Variants in CUX1 observed in about 807,000 individuals in gnomAD.
CUX1 encodes protein CASP.
Under a neutral mutation model 158.8 loss-of-function variants are expected in CUX1, and 31 were observed. That is an observed-to-expected ratio of 0.20 (90% CI 0.15 to 0.26). The LOEUF (loss-of-function observed/expected upper bound fraction) is 0.26. Among genes scored for constraint, CUX1 ranks in the 10% least tolerant of loss-of-function variants. The probability of loss-of-function intolerance (pLI) is 1.00; values close to 1 mark genes in which losing one functional copy is unlikely to be tolerated. For missense variants in CUX1, 1,589 were observed against 2,014.6 expected (o/e 0.79, Z 4.04); for synonymous variants, 879 against 862.1 (o/e 1.02, Z -0.34).
intron 2 of CUX1, among the ~76,000 whole-genome samples, chr7:101,989,096 T>C (rs1814743455): frequency 1.3e-5 from 2 of 152,060 alleles, no homozygotes; most frequent in African/African-American, 4.8e-5. Context: ...CTGCTCCTCC[T>C]CCAAGGCTCG....
chr7:102,170,685 G>A, intron 10 of CUX1, 135 bp downstream of exon 10: 1 of 621,370 alleles, frequency 1.6e-6, no homozygotes, highest in Non-Finnish European at 2.7e-6. Flanking sequence ...TTCTCGGTGG[G>A]GTTTGCTTTG....
upstream of CUX1, among the ~76,000 whole-genome samples, chr7:101,816,405 GCGC>G (rs970722250): frequency 7.0e-6 from 1 of 141,992 alleles, no homozygotes; most frequent in Non-Finnish European, 1.6e-5. Context: ...CCCGGGCCCC[GCGC>G]CGCCGCCGCC....
intron 8 of CUX1, among the ~76,000 whole-genome samples, chr7:102,148,595 T>TA (rs1179836995): frequency 1.3e-5 from 2 of 151,180 alleles, no homozygotes; most frequent in Non-Finnish European, 2.9e-5. Context: ...TCTTTTATTT[T>TA]AAAAATCTTA....
At chr7:102,233,102 A>G (rs1420226127) in intron 21 of CUX1, among the ~76,000 whole-genome samples, 3 of 151,420 alleles carry the variant, frequency 2.0e-5, no homozygotes, top group Non-Finnish European at 4.4e-5. Flanking sequence ...GCTCTGGCTT[A>G]GAGATTTCAC....
At chr7:102,032,027 G>A (rs980609150) in intron 3 of CUX1, among the ~76,000 whole-genome samples, 4 of 151,722 alleles carry the variant, frequency 2.6e-5, no homozygotes, top group Admixed American at 2.6e-4. Context: ...CCTGGCTCAA[G>A]CGATTTGCCC....
intron 4 of CUX1, among the ~76,000 whole-genome samples, chr7:102,080,328 A>G (rs1477615160): frequency 6.6e-6 from 1 of 152,104 alleles, no homozygotes; most frequent in Non-Finnish European, 1.5e-5. Flanking sequence ...ACAGCTTTTC[A>G]TCAGTCGCTC....
intron 2 of CUX1, among the ~76,000 whole-genome samples, chr7:102,027,377 A>G (rs1010231004): frequency 2.0e-5 from 3 of 152,154 alleles, no homozygotes; most frequent in Non-Finnish European, 4.4e-5. Context: ...CATCTCAAAA[A>G]AAAAGAAGAG....
At chr7:102,100,006 G>A (rs1829614917) in intron 5 of CUX1, among the ~76,000 whole-genome samples, 1 of 152,142 alleles carries the variant, frequency 6.6e-6, no homozygotes, top group Non-Finnish European at 1.5e-5. Flanking sequence ...CAGGCCAGGT[G>A]CAGCGACTCA....
rs950339933 is a variant in CUX1, at chr7:102,255,554, G to A, written c.*6512G>A. 31 of 985,198 alleles carry A rather than the reference G, an allele frequency of 3.1e-5. No individual in the cohort carries two copies. Among genetic ancestry groups the A allele is most frequent in the South Asian group, 4.7e-5 (1 of 21,286 alleles). 61.0% of individuals were successfully genotyped at this position (985,198 alleles called of 1,614,324 possible). A position where few individuals can be genotyped will look rare whatever the true frequency, so the allele number is the denominator to read the frequency against. On this transcript the variant is annotated 3_prime_UTR_variant, in exon 24 of 24. Coordinates refer to ENST00000292535, the MANE Select transcript of CUX1 (RefSeq NM_181552.4). ...TAATGTTAAGAAAGCATTAGTCTAC[G>A]TTACTGTAATTTCTGTAGTGTTTAC...
downstream of CUX1, among the ~76,000 whole-genome samples, chr7:102,261,971 C>T (rs1234608677): frequency 6.6e-6 from 1 of 152,070 alleles, no homozygotes; most frequent in African/African-American, 2.4e-5. Context: ...GTTTAAAATT[C>T]GCCGGATGTG....
chr7:102,231,590 A>G (rs1255589381), intron 21 of CUX1, among the ~76,000 whole-genome samples: 3 of 151,932 alleles, frequency 2.0e-5, no homozygotes, highest in Non-Finnish European at 2.9e-5. Flanking sequence ...TTTTTTCCCC[A>G]TTCAGCTGGG....
chr7:102,178,556 G>T lies in CUX1; in HGVS notation c.916G>T (p.Val306Leu), dbSNP rs142950109. The T allele has an allele frequency of 2.5e-6, 4 of 1,613,320 alleles. No individual in the cohort carries two copies. The South Asian group carries it at 4.4e-5, about 18-fold the overall frequency. ...EREIAQLVED[V>L]QRLQASLTKL... ...GGAGATCGCACAGCTGGTGGAGGAC[G>T]TGCAGAGACTCCAGGCCAGCCTCAC... The change falls in exon 11 of 24, where the codon GTG (valine) becomes TTG (leucine). Residue 306 changes from valine to leucine, a missense_variant. Physicochemically the swap from Val to Leu is conservative, Grantham distance 32. Coordinates refer to ENST00000292535, the MANE Select transcript of CUX1 (RefSeq NM_181552.4).
At chr7:101,896,688 C>T (rs1340718228) in intron 1 of CUX1, among the ~76,000 whole-genome samples, 3 of 152,106 alleles carry the variant, frequency 2.0e-5, no homozygotes, top group Non-Finnish European at 2.9e-5. Context: ...TTGATGAATT[C>T]TCAGTCATGG....
chr7:101,992,052 AGACTTTGTTTAC>A (rs1182185587), intron 2 of CUX1, among the ~76,000 whole-genome samples: 1 of 152,244 alleles, frequency 6.6e-6, no homozygotes, highest in Non-Finnish European at 1.5e-5. Context: ...AGGTTAATCT[AGACTTTGTTTAC>A]ATGGGCCAAG....
At chr7:101,895,891 G>GTTTTTTTTTTTTTTTTTTT (rs66481506) in intron 1 of CUX1, among the ~76,000 whole-genome samples, 1 of 112,716 alleles carries the variant, frequency 8.9e-6, no homozygotes, top group African/African-American at 3.7e-5. Context: ...CACCTGTAAA[G>GTTTTTTTTTTTTTTTTTTT]TTTTTTTTTT....
intron 2 of CUX1, among the ~76,000 whole-genome samples, chr7:101,973,770 C>CTTT (rs546846196): frequency 4.4e-5 from 6 of 137,372 alleles, no homozygotes; most frequent in African/African-American, 8.0e-5. Flanking sequence ...TTTTCTTTTT[C>CTTT]TTTTTTTTTT....
chr7:102,150,092 A>G (rs1835468202), intron 8 of CUX1, among the ~76,000 whole-genome samples: 2 of 152,200 alleles, frequency 1.3e-5, no homozygotes, highest in Admixed American at 6.5e-5. Context: ...TCTCCTTTCA[A>G]TGCCAAAGAA....
chr7:102,227,758 C>A, intron 21 of CUX1, 89 bp downstream of exon 21: 1 of 1,339,646 alleles, frequency 7.5e-7, no homozygotes, highest in Non-Finnish European at 1.0e-6. Flanking sequence ...CCAAGCCAAC[C>A]ACAGAGTCTC....
chr7:102,097,338 GT>G, intron 4 of CUX1, 25 bp from the exon 5 acceptor site: 2 of 1,596,528 alleles, frequency 1.3e-6, no homozygotes, highest in Non-Finnish European at 1.7e-6. Flanking sequence ...GCCGAGTGGG[GT>G]GATGGCTGTT....
Sources: allele counts gnomAD v4.1 joint callset (sites outside exome capture counted in the v4.1 genomes callset), GRCh38; gene constraint gnomAD v4.1.1; transcripts MANE v1.5; gene names NCBI Gene and HGNC (gene_info 2026-07-23, HGNC 2026-07-21).